The following PROM1 variants were observed in gnomAD, a reference collection of about 807,000 sequenced individuals.
PROM1 encodes the protein prominin 1.
PROM1 carries 105 observed loss-of-function variants against 116.9 expected under a neutral mutation model. The observed-to-expected ratio is 0.90, with a 90% CI of 0.77 to 1.06. The LOEUF is 1.06. Among genes scored for constraint, PROM1 ranks in the 50% least tolerant of loss-of-function variants. The pLI, the probability that PROM1 is intolerant of heterozygous loss-of-function variation, is 0.00. For missense variants in PROM1, 1,122 were observed against 1,045.2 expected (o/e 1.07, Z -1.01); for synonymous variants, 393 against 387.0 (o/e 1.02, Z -0.18).
intron 18 of PROM1, among the ~76,000 whole-genome samples, chr4:15,990,677 G>A (rs73122439): frequency 0.01 from 1,591 of 152,258 alleles, 39 homozygotes; most frequent in African/African-American, 0.036. Flanking sequence ...GTGGGACTCC[G>A]GACCAGACTG....
In PROM1 at chr4:16,018,455, AC is replaced by A. The variant is rs1355802816; in HGVS notation, c.869del (p.Ser290IlefsTer2). The A allele has an allele frequency of 1.2e-6, 2 of 1,613,672 alleles. No homozygotes were observed. The highest frequency in any genetic ancestry group is 1.7e-5 in the Admixed American group (1 of 60,014). ...GCAGGCTAGTTTTCACGCTGGTCAG[AC>A]TGCTGCTAAGCTGTGTACTTTGTTG... The part of the protein sequence containing the change: ...LHQQSTQLSS[S>X]LTSVKTSLRS... On this transcript the variant is annotated frameshift_variant, in exon 9 of 28. Transcript: ENST00000447510. LOFTEE classifies it high-confidence loss of function.
rs1560520608 is a variant in PROM1, at chr4:16,027,265, A to C, written c.510-1953T>G. Among the ~76,000 whole-genome samples, 3 of 151,378 alleles carry C rather than the reference A, an allele frequency of 2.0e-5. No individual in the cohort carries two copies. The East Asian group carries it at 5.9e-4, about 30-fold the overall frequency. On this transcript the variant is annotated intron_variant, in intron 5 of 27. Coordinates refer to ENST00000447510, the MANE Select transcript of PROM1 (RefSeq NM_006017.3). Reference sequence around the variant, plus strand: ...TCATGCCAAAGAGGTCAAATGACTCAAAATAATGATTTTGGAGTTTTGTGA... The same window carrying C: ...TCATGCCAAAGAGGTCAAATGACTCCAAATAATGATTTTGGAGTTTTGTGA...
chr4:16,023,430 G>C lies in PROM1; in HGVS notation c.695-15C>G. ...TGAATTGATACCTACATGCAAATAAGCACAAAGATGGTGAGGGTGGCCTCT... is the reference window on the plus strand; with the variant it reads ...TGAATTGATACCTACATGCAAATAACCACAAAGATGGTGAGGGTGGCCTCT... On this transcript the variant is annotated splice_polypyrimidine_tract_variant and intron_variant, in intron 7 of 27. Transcript: ENST00000447510. The C allele has an allele frequency of 6.4e-7, 1 of 1,565,286 alleles. No homozygotes were observed. The highest frequency in any genetic ancestry group is 8.7e-7 in the Non-Finnish European group (1 of 1,146,174).
intron 15 of PROM1, among the ~76,000 whole-genome samples, chr4:15,995,125 G>A (rs1560433199): frequency 6.6e-6 from 1 of 152,134 alleles, no homozygotes; most frequent in Non-Finnish European, 1.5e-5. Flanking sequence ...AGAAGACCTC[G>A]GTTGACTATC....
Position 16,024,762 on chromosome 4 carries a change from C to T in PROM1, c.631-404G>A, listed in dbSNP as rs191225184. On this transcript the variant is annotated intron_variant, in intron 6 of 27. Transcript: ENST00000447510. ...GCTTGTGTGTCCTTCCCAAGGAATT[C>T]GATATATCTATGCAGACATTAGCAA... Among the ~76,000 whole-genome samples the T allele has an allele frequency of 1.3e-4, 19 of 151,972 alleles. No homozygotes were observed. The East Asian group carries it at 2.5e-3, about 20-fold the overall frequency.
intron 1 of PROM1, chr4:16,083,759 A>G (rs1042006132): frequency 6.6e-6 from 1 of 151,616 alleles, no homozygotes; most frequent in African/African-American, 2.4e-5. Flanking sequence ...ATTATTTATG[A>G]CCCGGCTTCT....
intron 16 of PROM1, 121 bp downstream of exon 16, chr4:15,993,866 C>A: frequency 6.8e-7 from 1 of 1,473,610 alleles, no homozygotes; most frequent in African/African-American, 1.4e-5. Flanking sequence ...TACCAAACAT[C>A]ACTTTTAAAT....
At chr4:16,031,658 AAG>A (rs544269173) in intron 5 of PROM1, among the ~76,000 whole-genome samples, 1 of 151,380 alleles carries the variant, frequency 6.6e-6, no homozygotes, top group Non-Finnish European at 1.5e-5. Context: ...AAGGGAAGAA[AAG>A]AGAGAGAGAG....
At chr4:15,974,000 C>G (rs939059693) in intron 26 of PROM1, among the ~76,000 whole-genome samples, 1 of 152,126 alleles carries the variant, frequency 6.6e-6, no homozygotes, top group African/African-American at 2.4e-5. Context: ...TGCTCTCAAG[C>G]CTTTGTGGTC....
intron 2 of PROM1, chr4:16,055,524 A>G: frequency 2.2e-6 from 1 of 444,690 alleles, no homozygotes; most frequent in Non-Finnish European, 4.5e-6. Flanking sequence ...ATTCCCTAGA[A>G]CCAAATAGCC....
rs183430436 is a variant in PROM1 at position 16,074,684 on chromosome 4, T to C, written c.220+1003A>G. Reference sequence around the variant, plus strand: ...GCTGTTTTAATTGCCCTAAGACAAATAAGTGTTAAAAAACCAATACAAATG... The same window carrying C: ...GCTGTTTTAATTGCCCTAAGACAAACAAGTGTTAAAAAACCAATACAAATG... On this transcript the variant is annotated intron_variant, in intron 2 of 27. Coordinates refer to ENST00000447510, the MANE Select transcript of PROM1 (RefSeq NM_006017.3). 2.7e-3 allele frequency among the ~76,000 whole-genome samples: 418 copies of C among 152,250 alleles called. 3 individuals are homozygous for C. Among genetic ancestry groups the C allele is most frequent in the African/African-American group, 9.4e-3 (389 of 41,560 alleles).
chr4:15,992,820 G>A (rs3796852), intron 16 of PROM1, among the ~76,000 whole-genome samples: 144,173 of 152,132 alleles, frequency 0.95, 68,425 homozygotes, highest in Middle Eastern at 0.99. Context: ...CCAGGGAAGG[G>A]ACCAGTACAC....
At chr4:16,040,393 A>G (rs1044282428) in intron 2 of PROM1, among the ~76,000 whole-genome samples, 2 of 152,194 alleles carry the variant, frequency 1.3e-5, no homozygotes, top group Admixed American at 1.3e-4. Flanking sequence ...CCGACAACAC[A>G]GGCTACTTCC....
At chr4:15,984,223 ATGGAT>A (rs1428849216) in intron 23 of PROM1, 35 bp downstream of exon 23, 1 of 1,444,528 alleles carries the variant, frequency 6.9e-7, no homozygotes, top group Non-Finnish European at 9.6e-7. Flanking sequence ...ACCAAAGATG[ATGGAT>A]TCATTGTGTC....
At position 15,970,997 on chromosome 4, in the gene PROM1, A is replaced by C. The variant is rs565074550; in HGVS notation, c.*24+46T>G. ...TATGTTTTGATGTTCTAAAAACTAA[A>C]AACTATAGTCCTGTAGATTCTCTTC... On this transcript the variant is annotated intron_variant, in intron 27 of 27. Coordinates refer to ENST00000447510, the MANE Select transcript of PROM1 (RefSeq NM_006017.3). 303 of 1,462,190 alleles carry C rather than the reference A, an allele frequency of 2.1e-4. 1 individual carries two copies. Among genetic ancestry groups the C allele is most frequent in the Middle Eastern group, 2.0e-3 (10 of 5,060 alleles). 90.6% of individuals were successfully genotyped at this position (1,462,190 alleles called of 1,614,324 possible).
intron 2 of PROM1, among the ~76,000 whole-genome samples, chr4:16,065,718 G>T (rs1450378540): frequency 6.6e-6 from 1 of 152,082 alleles, no homozygotes; most frequent in Admixed American, 6.6e-5. Flanking sequence ...TATGACCTTG[G>T]GTGCATTGCT....
At chr4:16,056,482 C>T (rs987029927) in intron 2 of PROM1, among the ~76,000 whole-genome samples, 8 of 151,904 alleles carry the variant, frequency 5.3e-5, no homozygotes, top group African/African-American at 1.9e-4. Flanking sequence ...CAATAGTGTT[C>T]CCCTCTTCAA....
At chr4:16,060,750 C>T (rs1740127179) in intron 2 of PROM1, among the ~76,000 whole-genome samples, 1 of 152,116 alleles carries the variant, frequency 6.6e-6, no homozygotes, top group Admixed American at 6.6e-5. Flanking sequence ...TTTTACTTTT[C>T]CTTTTTCATC....
At chr4:15,974,212 G>T (rs1203750193) in intron 26 of PROM1, among the ~76,000 whole-genome samples, 1 of 151,880 alleles carries the variant, frequency 6.6e-6, no homozygotes. Flanking sequence ...AGGCCAGGAA[G>T]AAGATTCAGA....
Sources: gnomAD v4.1 joint callset for allele counts (sites outside exome capture counted in the v4.1 genomes callset) on GRCh38, gnomAD v4.1.1 for gene constraint, MANE v1.5 for transcripts, NCBI Gene and HGNC (gene_info 2026-07-23, HGNC 2026-07-21) for gene names.